Variants in RBM34 observed in about 807,000 individuals in gnomAD.
RBM34 encodes the protein RNA binding motif protein 34.
RBM34 carries 39 observed loss-of-function variants against 44.6 expected under a neutral mutation model. The ratio of observed to expected loss-of-function variants is 0.87; its 90% confidence interval spans 0.68 to 1.14. RBM34 has a LOEUF of 1.14. Ranked by LOEUF, RBM34 falls within the 50% of genes most tolerant of loss-of-function variation. The pLI is 0.00. For synonymous variants in RBM34, 194 were observed against 184.0 expected (o/e 1.05, Z -0.44); for missense variants, 572 against 517.9 (o/e 1.10, Z -1.01).
chr1:235,155,505 C>CTTT (rs745638640), intron 3 of RBM34, among the ~76,000 whole-genome samples: 1 of 123,906 alleles, frequency 8.1e-6, no homozygotes. Context: ...CCACACGTGG[C>CTTT]TTTTTTTTTT....
At chr1:235,152,388 G>A (rs1228134360) in intron 5 of RBM34, 2 of 777,090 alleles carry the variant, frequency 2.6e-6, no homozygotes, top group Non-Finnish European at 3.2e-6. Context: ...GAATGCCTAG[G>A]ATTCCAGCAA....
chr1:235,137,478 G>A (rs1423764596), intron 8 of RBM34, among the ~76,000 whole-genome samples: 1 of 152,068 alleles, frequency 6.6e-6, no homozygotes, highest in East Asian at 1.9e-4. Context: ...GGGCTCAGGT[G>A]GTGCTCCCAC....
chr1:235,159,120 G>A (rs903368782), intron 3 of RBM34, among the ~76,000 whole-genome samples: 2 of 151,814 alleles, frequency 1.3e-5, no homozygotes, highest in Non-Finnish European at 2.9e-5. Flanking sequence ...GGCTGAGGTG[G>A]GCGGCTGGAT....
At chr1:235,148,166 T>G (rs1229437259) in intron 6 of RBM34, among the ~76,000 whole-genome samples, 3 of 152,226 alleles carry the variant, frequency 2.0e-5, no homozygotes, top group Non-Finnish European at 4.4e-5. Flanking sequence ...AAAACATTCT[T>G]AAAATTTCTC....
chr1:235,156,570 T>C (rs1052462485), intron 3 of RBM34: 5 of 429,168 alleles, frequency 1.2e-5, no homozygotes, highest in Non-Finnish European at 1.9e-5. Context: ...TTCTAATACT[T>C]CTGTAATATT....
intron 6 of RBM34, among the ~76,000 whole-genome samples, chr1:235,144,206 A>G (rs904428648): frequency 1.3e-5 from 2 of 152,090 alleles, no homozygotes; most frequent in African/African-American, 4.8e-5. Context: ...CAAAAAAACA[A>G]ACCTCAAAAT....
chr1:235,136,501 A>G (rs1478737926), intron 8 of RBM34, among the ~76,000 whole-genome samples: 3 of 151,698 alleles, frequency 2.0e-5, no homozygotes, highest in Admixed American at 6.6e-5. Flanking sequence ...CTTCATTAAC[A>G]AAAAAAAAGC....
chr1:235,160,443 A>T, intron 3 of RBM34, 68 bp downstream of exon 3: 1 of 1,511,886 alleles, frequency 6.6e-7, no homozygotes, highest in Non-Finnish European at 9.1e-7. Context: ...ACTGACGAAT[A>T]TTCCAAGTAT....
chr1:235,138,204 A>G, intron 6 of RBM34, 30 bp from the exon 7 acceptor site: 1 of 1,532,632 alleles, frequency 6.5e-7, no homozygotes, highest in Non-Finnish European at 8.8e-7. Flanking sequence ...AGAAAGAAAG[A>G]AAAGAGAGAC....
chr1:235,136,454 C>T (rs1332888029), intron 8 of RBM34, among the ~76,000 whole-genome samples: 1 of 152,140 alleles, frequency 6.6e-6, no homozygotes, highest in East Asian at 1.9e-4. Flanking sequence ...TTGGATAATA[C>T]ACAAATGAAT....
chr1:235,138,342 AAAT>A (rs199998595), intron 6 of RBM34, among the ~76,000 whole-genome samples, 168 bp from the exon 7 acceptor site: 1,723 of 152,324 alleles, frequency 0.011, 29 homozygotes, highest in African/African-American at 0.036. Context: ...ATAACTCAAA[AAAT>A]AACACACAAC....
chr1:235,143,327 G>A (rs1012493035), intron 6 of RBM34, among the ~76,000 whole-genome samples: 7 of 152,178 alleles, frequency 4.6e-5, no homozygotes, highest in African/African-American at 7.2e-5. Flanking sequence ...ACAATATACC[G>A]TAAGATCTGG....
Position 235,131,952 on chromosome 1 carries a change from G to A in RBM34, c.1054C>T (p.Leu352Phe). ...ATGACTCTGAGTTTTCTCCCCATGA[G>A]TTCAGAATTATTTAATTTCAGAGCA... ...HLALKLNNSE[L>F]MGRKLRVMRS... The change falls in exon 11 of 11, where the codon CTC (leucine) becomes TTC (phenylalanine). Residue 352 changes from leucine (L) to phenylalanine (F), a missense_variant. Physicochemically the swap from Leu to Phe is conservative, Grantham distance 22. Transcript: ENST00000408888. 1.2e-6 allele frequency: 2 copies of A among 1,606,552 alleles called. No individual in the cohort carries two copies. The highest frequency in any genetic ancestry group is 1.7e-6 in the Non-Finnish European group (2 of 1,176,342).
intron 8 of RBM34, among the ~76,000 whole-genome samples, chr1:235,136,981 CTTCT>C (rs779443599): frequency 3.0e-4 from 45 of 152,176 alleles, no homozygotes; most frequent in Non-Finnish European, 5.6e-4. Context: ...TAAGCCTTCT[CTTCT>C]TTCTTTTTTC....
chr1:235,151,856 A>G (rs886966042), intron 5 of RBM34, among the ~76,000 whole-genome samples: 1 of 152,074 alleles, frequency 6.6e-6, no homozygotes, highest in African/African-American at 2.4e-5. Flanking sequence ...AACATGGTGA[A>G]ACCCTGTCCG....
rs183017670 is a variant in RBM34 at position 235,142,521 on chromosome 1, C to T, written c.702-4347G>A. Reference sequence around the variant, plus strand: ...CTTAAAATCCTGACCTCAGGTGATCCGCCCACCTTGACCTCCCAAAGTAAT... The same window carrying T: ...CTTAAAATCCTGACCTCAGGTGATCTGCCCACCTTGACCTCCCAAAGTAAT... On this transcript the variant is annotated intron_variant, in intron 6 of 10. Transcript: ENST00000408888. Among the ~76,000 whole-genome samples, 674 of 151,866 alleles carry T rather than the reference C, an allele frequency of 4.4e-3. 3 individuals are homozygous for T. The highest frequency in any genetic ancestry group is 6.3e-3 in the Non-Finnish European group (431 of 67,944).
At position 235,131,567 on chromosome 1, in the gene RBM34, G is replaced by T; in HGVS notation, c.*146C>A. The T allele has an allele frequency of 1.1e-6, 1 of 903,684 alleles. No homozygotes were observed. Among genetic ancestry groups the T allele is most frequent in the Non-Finnish European group, 1.6e-6 (1 of 606,488 alleles). 56.0% of individuals were successfully genotyped at this position (903,684 alleles called of 1,614,324 possible). ...GGTAGTATCACAATGTGAATAAACTGAGAATGTGGAAGTCTCCACATTTCA... is the reference window on the plus strand; with the variant it reads ...GGTAGTATCACAATGTGAATAAACTTAGAATGTGGAAGTCTCCACATTTCA... On this transcript the variant is annotated 3_prime_UTR_variant, in exon 11 of 11. Transcript: ENST00000408888.
At chr1:235,155,340 A>T (rs1662351550) in intron 3 of RBM34, among the ~76,000 whole-genome samples, 1 of 151,816 alleles carries the variant, frequency 6.6e-6, no homozygotes, top group Non-Finnish European at 1.5e-5. Flanking sequence ...GAAAAAGTTA[A>T]GCTCTTTTTT....
chr1:235,132,646 T>C (rs1037824528), intron 10 of RBM34, among the ~76,000 whole-genome samples: 4 of 152,150 alleles, frequency 2.6e-5, no homozygotes, highest in African/African-American at 7.2e-5. Flanking sequence ...CTCCTTCGTA[T>C]AGCCATCTTT....
Sources: allele counts gnomAD v4.1 joint callset (sites outside exome capture counted in the v4.1 genomes callset), GRCh38; gene constraint gnomAD v4.1.1; transcripts MANE v1.5; gene names NCBI Gene and HGNC (gene_info 2026-07-23, HGNC 2026-07-21).